The following MARCHF1 variants were observed in gnomAD, a reference collection of about 807,000 sequenced individuals.
The protein encoded by MARCHF1 is E3 ubiquitin-protein ligase MARCHF1.
MARCHF1 carries 40 observed loss-of-function variants against 54.2 expected under a neutral mutation model. The ratio of observed to expected loss-of-function variants is 0.74; its 90% confidence interval spans 0.57 to 0.96. MARCHF1 has a LOEUF of 0.96. Among genes scored for constraint, MARCHF1 ranks in the 40% least tolerant of loss-of-function variants. MARCHF1 has a pLI of 0.00. For synonymous variants in MARCHF1, 236 were observed against 236.3 expected (o/e 1.00, Z 0.01); for missense variants, 586 against 656.5 (o/e 0.89, Z 1.17).
intron 4 of MARCHF1, among the ~76,000 whole-genome samples, chr4:163,797,333 ATG>A (rs900358776): frequency 5.0e-4 from 51 of 101,916 alleles, no homozygotes; most frequent in African/African-American, 1.2e-3. Context: ...TACGGTGTGT[ATG>A]TGTGTGTGTG....
At chr4:164,129,990 T>A (rs1275022866) in intron 1 of MARCHF1, 2 of 152,156 alleles carry the variant, frequency 1.3e-5, no homozygotes, top group African/African-American at 4.8e-5. Flanking sequence ...CACTTACTTT[T>A]TGAAAATAAA....
chr4:164,175,527 T>A (rs1383565854), intron 1 of MARCHF1, among the ~76,000 whole-genome samples: 1 of 152,248 alleles, frequency 6.6e-6, no homozygotes, highest in Non-Finnish European at 1.5e-5. Context: ...ACTCAGTTGT[T>A]CCGTCAAATC....
chr4:163,886,344 GATA>G (rs1560803588), intron 3 of MARCHF1, among the ~76,000 whole-genome samples: 8 of 147,818 alleles, frequency 5.4e-5, no homozygotes, highest in African/African-American at 1.5e-4. Context: ...TAGATAGATA[GATA>G]GATATAGATA....
chr4:163,635,483 A>T (rs923366680), intron 5 of MARCHF1, among the ~76,000 whole-genome samples: 5 of 148,344 alleles, frequency 3.4e-5, no homozygotes, highest in Non-Finnish European at 6.0e-5. Flanking sequence ...CAAATAAACT[A>T]GAAAATCTAG....
Position 164,176,960 on chromosome 4 carries a change from CTCTCTCTCTCTCT to C in MARCHF1, c.-322-65311_-322-65299del, listed in dbSNP as rs1308015769. Among the ~76,000 whole-genome samples, 8 of 47,836 alleles carry C rather than the reference CTCTCTCTCTCTCT, an allele frequency of 1.7e-4. No homozygotes were observed. The South Asian group carries it at 3.1e-3, about 18-fold the overall frequency. The allele number at this position is 47,836 out of a possible 152,430, so 31.4% of individuals were successfully genotyped here. On this transcript the variant is annotated intron_variant, in intron 1 of 9. Coordinates refer to ENST00000514618, the MANE Select transcript of MARCHF1 (RefSeq NM_001394959.1). Reference sequence around the variant, plus strand: ...TTGTGCGCTCTCTCTCTCTCTCTCTCTCTCTCTCTCTCTCTCTCTCTATATATATATATATATA... The same window carrying C: ...TTGTGCGCTCTCTCTCTCTCTCTCTCCTCTCTCTATATATATATATATATA...
chr4:164,288,015 G>A (rs917336666), intron 1 of MARCHF1, among the ~76,000 whole-genome samples: 1 of 152,090 alleles, frequency 6.6e-6, no homozygotes. Flanking sequence ...TTAAACTAAG[G>A]CTGCTGTGAG....
intron 5 of MARCHF1, among the ~76,000 whole-genome samples, chr4:163,666,634 T>G (rs1270786792): frequency 6.6e-6 from 1 of 152,146 alleles, no homozygotes; most frequent in Non-Finnish European, 1.5e-5. Flanking sequence ...TTTATCATGG[T>G]CTTCATTGTT....
chr4:163,973,202 G>T lies in MARCHF1; in HGVS notation c.-39+15299C>A, dbSNP rs530014602. The stretch of plus-strand genomic sequence containing the variant: ...AAGACCACTGTAACAGATTTCTGTT[G>T]CTGTATAACAAACATAGTAACTTTC... On this transcript the variant is annotated intron_variant, in intron 3 of 9. Transcript: ENST00000514618. 3.3e-4 allele frequency among the ~76,000 whole-genome samples: 50 copies of T among 152,304 alleles called. 1 individual carries two copies. In the South Asian group the frequency reaches 0.01, roughly 31 times the overall value.
chr4:164,243,084 T>C lies in MARCHF1; in HGVS notation c.-322-131422A>G, dbSNP rs531994361. ...ATATTATCCAGGAGAACTTCCCCAA[T>C]CTAGCAAGGCAGGCCAACGTTCAGA... On this transcript the variant is annotated intron_variant, in intron 1 of 9. Coordinates refer to ENST00000514618, the MANE Select transcript of MARCHF1 (RefSeq NM_001394959.1). Among the ~76,000 whole-genome samples the C allele has an allele frequency of 9.9e-5, 12 of 121,824 alleles. No individual in the cohort carries two copies. In the East Asian group the frequency reaches 2.7e-3, roughly 27 times the overall value. 79.9% of individuals were successfully genotyped at this position (121,824 alleles called of 152,430 possible). A position where few individuals can be genotyped will look rare whatever the true frequency, so the allele number is the denominator to read the frequency against.
intron 4 of MARCHF1, among the ~76,000 whole-genome samples, chr4:163,812,826 G>A (rs1748429912): frequency 6.6e-6 from 1 of 152,072 alleles, no homozygotes; most frequent in Non-Finnish European, 1.5e-5. Flanking sequence ...AGCTTTGGAA[G>A]TCAAAATTTT....
intron 5 of MARCHF1, among the ~76,000 whole-genome samples, chr4:163,689,093 T>C (rs1333462576): frequency 7.2e-5 from 11 of 152,192 alleles, no homozygotes; most frequent in Admixed American, 7.2e-4. Context: ...ATTAGCTTTA[T>C]TGCTGGCCTG....
At chr4:163,739,704 T>G (rs1439234095) in intron 4 of MARCHF1, among the ~76,000 whole-genome samples, 2 of 152,178 alleles carry the variant, frequency 1.3e-5, no homozygotes, top group African/African-American at 4.8e-5. Flanking sequence ...TAGGAAAAAT[T>G]TTCAGTTATA....
At chr4:163,996,158 T>G (rs1753071962) in intron 2 of MARCHF1, among the ~76,000 whole-genome samples, 2 of 151,978 alleles carry the variant, frequency 1.3e-5, no homozygotes, top group South Asian at 4.1e-4. Flanking sequence ...CGTGGTTCAC[T>G]GATTATGAAA....
At chr4:164,033,098 CG>C (rs1322758879) in intron 2 of MARCHF1, among the ~76,000 whole-genome samples, 1 of 151,178 alleles carries the variant, frequency 6.6e-6, no homozygotes, top group Non-Finnish European at 1.5e-5. Flanking sequence ...CGTTTGAACC[CG>C]GGAGGCAGAG....
chr4:163,830,112 A>T (rs2111089766), intron 4 of MARCHF1, among the ~76,000 whole-genome samples: 1 of 152,222 alleles, frequency 6.6e-6, no homozygotes, highest in East Asian at 1.9e-4. Context: ...CTGAAATAGG[A>T]TTCAACTTAC....
chr4:163,558,983 T>A (rs1444659971), intron 8 of MARCHF1, among the ~76,000 whole-genome samples: 1 of 152,178 alleles, frequency 6.6e-6, no homozygotes, highest in African/African-American at 2.4e-5. Flanking sequence ...TCTCCTCTTA[T>A]TTATGAGGAC....
At chr4:163,943,504 C>T (rs1751957537) in intron 3 of MARCHF1, among the ~76,000 whole-genome samples, 1 of 151,912 alleles carries the variant, frequency 6.6e-6, no homozygotes, top group South Asian at 2.1e-4. Context: ...AAGTGTGCAG[C>T]CTTATTTCTG....
intron 9 of MARCHF1, among the ~76,000 whole-genome samples, chr4:163,533,428 A>G (rs1013869823): frequency 3.3e-5 from 5 of 151,902 alleles, no homozygotes; most frequent in African/African-American, 1.2e-4. Context: ...AACGGTGGAC[A>G]CAGGACGTTA....
intron 8 of MARCHF1, among the ~76,000 whole-genome samples, chr4:163,555,675 A>G (rs779896148): frequency 9.2e-5 from 14 of 152,198 alleles, no homozygotes; most frequent in Admixed American, 8.5e-4. Context: ...ATACTTAATT[A>G]TGGATTGTGG....
Sources: gnomAD v4.1 joint callset for allele counts (sites outside exome capture counted in the v4.1 genomes callset) on GRCh38, gnomAD v4.1.1 for gene constraint, MANE v1.5 for transcripts, NCBI Gene and HGNC (gene_info 2026-07-23, HGNC 2026-07-21) for gene names.